The following MSI2 variants were observed in gnomAD, a reference collection of about 807,000 sequenced individuals.
MSI2 encodes RNA-binding protein Musashi homolog 2.
A neutral mutation model predicts 45.6 loss-of-function variants in MSI2; 17 were observed. The ratio of observed to expected loss-of-function variants is 0.37; its 90% CI spans 0.26 to 0.56. MSI2 has a LOEUF of 0.56. MSI2 is among the 20% of genes least tolerant of loss of function. The probability of loss-of-function intolerance (pLI) is 0.77; values close to 1 mark genes in which losing one functional copy is unlikely to be tolerated. For missense variants in MSI2, 293 were observed against 444.2 expected, an observed-to-expected ratio of 0.66 and a Z score of 3.06; for synonymous variants, 156 against 158.2, an observed-to-expected ratio of 0.99 and a Z score of 0.11.
chr17:57,276,071 A>C (rs1382337264), intron 5 of MSI2, among the ~76,000 whole-genome samples: 2 of 152,164 alleles, frequency 1.3e-5, no homozygotes, highest in African/African-American at 4.8e-5. Context: ...TTATTTTGAC[A>C]AAGAAGGAAG....
chr17:57,325,684 C>T (rs1913730443), intron 5 of MSI2, among the ~76,000 whole-genome samples: 1 of 152,212 alleles, frequency 6.6e-6, no homozygotes, highest in South Asian at 2.1e-4. Context: ...TTTGACCCAC[C>T]TCCAGCTGGC....
At chr17:57,690,103 A>C in the MSI2 span, among the ~76,000 whole-genome samples, 2 of 148,998 alleles carry the variant, frequency 1.3e-5, no homozygotes, top group Non-Finnish European at 3.0e-5. Flanking sequence ...GACATTTTTC[A>C]GAGTTCTGGT....
At chr17:57,366,173 A>G (rs1917176814) in intron 5 of MSI2, among the ~76,000 whole-genome samples, 1 of 152,150 alleles carries the variant, frequency 6.6e-6, no homozygotes, top group Non-Finnish European at 1.5e-5. Context: ...TCGGCCTCCC[A>G]AAGTGCTGGG....
At chr17:57,665,271 T>C (rs779522054) in intron 11 of MSI2, among the ~76,000 whole-genome samples, 1 of 152,214 alleles carries the variant, frequency 6.6e-6, no homozygotes, top group Admixed American at 6.5e-5. Context: ...TAAGGGCATG[T>C]ACCAGTAGAA....
rs150281843 is a variant in MSI2, at chr17:57,578,572, G to A, written c.455-18296G>A. On this transcript the variant is annotated intron_variant, in intron 7 of 13. Coordinates refer to ENST00000284073, the MANE Select transcript of MSI2 (RefSeq NM_138962.4). ...AATGCCCAGGGGATGAGGGGAAGGG[G>A]ACGGGAGAAGGATGGTCTCACCAAG... 2.9e-3 allele frequency among the ~76,000 whole-genome samples: 442 copies of A among 152,136 alleles called. 2 individuals are homozygous for A. Among genetic ancestry groups the A allele is most frequent in the African/African-American group, 9.9e-3 (409 of 41,516 alleles).
chr17:57,362,199 T>C (rs1916860312), intron 5 of MSI2, among the ~76,000 whole-genome samples: 1 of 152,222 alleles, frequency 6.6e-6, no homozygotes. Context: ...GGCCAGGGAA[T>C]GAATGTGGAA....
At chr17:57,281,832 G>T (rs1410156287) in intron 5 of MSI2, among the ~76,000 whole-genome samples, 1 of 152,162 alleles carries the variant, frequency 6.6e-6, no homozygotes, top group East Asian at 1.9e-4. Flanking sequence ...TGACAGTCCT[G>T]CTCCGTGGGA....
At chr17:57,518,211 T>C (rs1416973459) in intron 6 of MSI2, among the ~76,000 whole-genome samples, 2 of 152,252 alleles carry the variant, frequency 1.3e-5, no homozygotes, top group African/African-American at 4.8e-5. Flanking sequence ...TATCAAGCCA[T>C]GTTATTTACC....
At chr17:57,428,669 C>T (rs1428766325) in intron 6 of MSI2, among the ~76,000 whole-genome samples, 2 of 152,204 alleles carry the variant, frequency 1.3e-5, no homozygotes, top group Non-Finnish European at 2.9e-5. Flanking sequence ...TAGAGGCACA[C>T]AAAGTTAGCT....
intron 5 of MSI2, among the ~76,000 whole-genome samples, chr17:57,304,358 AAAAAAAAAAAAAAAG>A (rs1911694916): frequency 7.7e-6 from 1 of 129,700 alleles, no homozygotes; most frequent in South Asian, 2.3e-4. Context: ...CTCTGTCTCC[AAAAAAAAAAAAAAAG>A]AAAAAAGAAA....
At chr17:57,548,778 C>T (rs191993812) in intron 7 of MSI2, among the ~76,000 whole-genome samples, 7 of 151,942 alleles carry the variant, frequency 4.6e-5, no homozygotes, top group African/African-American at 1.5e-4. Flanking sequence ...GATGGCCATT[C>T]GGAGTCAGCC....
intron 10 of MSI2, among the ~76,000 whole-genome samples, chr17:57,651,005 T>C (rs188624740): frequency 9.0e-4 from 137 of 152,232 alleles, no homozygotes; most frequent in African/African-American, 3.2e-3. Context: ...ACCACAGTGA[T>C]TGGAAATGGG....
intron 5 of MSI2, among the ~76,000 whole-genome samples, chr17:57,271,946 A>G (rs1333210943): frequency 6.6e-6 from 1 of 152,122 alleles, no homozygotes; most frequent in Non-Finnish European, 1.5e-5. Flanking sequence ...GAAGTTTACA[A>G]TGGAAGCGGG....
intron 6 of MSI2, among the ~76,000 whole-genome samples, chr17:57,494,558 A>G (rs1166013919): frequency 6.6e-6 from 1 of 152,234 alleles, no homozygotes; most frequent in Non-Finnish European, 1.5e-5. Flanking sequence ...TTAGCCTTAT[A>G]GAGAATGTTG....
chr17:57,581,153 C>T (rs1044179514), intron 7 of MSI2, among the ~76,000 whole-genome samples: 1 of 151,952 alleles, frequency 6.6e-6, no homozygotes, highest in African/African-American at 2.4e-5. Flanking sequence ...GCTGGAACTA[C>T]AGGCGTGTGC....
intron 6 of MSI2, among the ~76,000 whole-genome samples, chr17:57,430,189 C>T (rs555579720): frequency 1.2e-4 from 18 of 152,280 alleles, no homozygotes; most frequent in African/African-American, 3.9e-4. Flanking sequence ...AATTCTGTAG[C>T]CACCGAAGAA....
chr17:57,700,543 G>A, the MSI2 span, among the ~76,000 whole-genome samples: 14 of 152,278 alleles, frequency 9.2e-5, no homozygotes, highest in African/African-American at 3.1e-4. Flanking sequence ...GCATGTGGAA[G>A]CCTGGTGTGA....
At chr17:57,444,674 TC>T (rs1265340911) in intron 6 of MSI2, 2 of 152,148 alleles carry the variant, frequency 1.3e-5, no homozygotes, top group Admixed American at 6.5e-5. Flanking sequence ...CACTAGGCCA[TC>T]CTGTTTTGTT....
At chr17:57,299,081 C>T (rs539384223) in intron 5 of MSI2, among the ~76,000 whole-genome samples, 3 of 152,350 alleles carry the variant, frequency 2.0e-5, no homozygotes, top group African/African-American at 7.2e-5. Context: ...TCTCATGAAC[C>T]AACTTTGCTG....
Sources: gnomAD v4.1 joint callset for allele counts (sites outside exome capture counted in the v4.1 genomes callset) on GRCh38, gnomAD v4.1.1 for gene constraint, MANE v1.5 for transcripts, NCBI Gene and HGNC (gene_info 2026-07-23, HGNC 2026-07-21) for gene names.